Variants in PCDHA5 observed in about 807,000 individuals in gnomAD.
PCDHA5 encodes the protein protocadherin alpha-5.
PCDHA5 carries 43 observed loss-of-function variants against 61.6 expected under a neutral mutation model. The observed-to-expected ratio is 0.70, with a 90% CI of 0.55 to 0.90. The LOEUF is 0.90. Among genes scored for constraint, PCDHA5 ranks in the 40% least tolerant of loss-of-function variants. The probability of loss-of-function intolerance (pLI) is 0.00; values close to 1 mark genes in which losing one functional copy is unlikely to be tolerated. For synonymous variants in PCDHA5, 627 were observed against 543.9 expected, an observed-to-expected ratio of 1.15 and a Z score of -2.13; for missense variants, 1,298 against 1,222.7, an observed-to-expected ratio of 1.06 and a Z score of -0.92.
chr5:140,837,733 GT>G (rs1775232652), intron 1 of PCDHA5, among the ~76,000 whole-genome samples: 1 of 151,046 alleles, frequency 6.6e-6, no homozygotes, highest in Non-Finnish European at 1.5e-5. Context: ...CTGAAATGCA[GT>G]GGTGGGATTA....
In PCDHA5 at chr5:140,823,400, C is replaced by G; in HGVS notation, c.1625C>G (p.Pro542Arg). 2 of 1,613,078 alleles carry G rather than the reference C, an allele frequency of 1.2e-6. No individual in the cohort carries two copies. The highest frequency in any genetic ancestry group is 2.7e-5 in the African/African-American group (2 of 75,038). ...GTGAGCGCGCGCGACGCGGGCGTGC[C>G]GCCTCTGGGCAGCAACGTGACGCTG... The part of the protein sequence containing the change: ...FQVSARDAGV[P>R]PLGSNVTLQV... Residue 542 changes from proline to arginine, a missense_variant, in exon 1 of 4, where the codon CCG (proline) becomes CGG (arginine). By Grantham distance (103) the Pro-to-Arg change is moderately radical. Transcript: ENST00000529859.
In PCDHA5 at chr5:140,823,602, G is replaced by A. The variant is rs1554129473; in HGVS notation, c.1827G>A (p.Glu609=). Residue 609 remains glutamate, a synonymous_variant, in exon 1 of 4, where the codon GAG becomes GAA. Coordinates refer to ENST00000529859, the MANE Select transcript of PCDHA5 (RefSeq NM_018908.3). ...GCTACAACGCTTGGCTTTCGTATGA[G>A]CTGCAGCCAGCGCCTGGCAGTGCGC... is the stretch of plus-strand genomic sequence containing the variant. ...DSGYNAWLSY[E]LQPAPGSARI... is the part of the protein sequence containing the mutation. 1.9e-6 allele frequency: 3 copies of A among 1,613,916 alleles called. No homozygotes were observed. Among genetic ancestry groups the A allele is most frequent in the Admixed American group, 1.7e-5 (1 of 60,006 alleles).
chr5:140,828,874 TATC>T, intron 1 of PCDHA5: 2 of 1,614,208 alleles, frequency 1.2e-6, no homozygotes, highest in Non-Finnish European at 1.7e-6. Context: ...GAACAACAGT[TATC>T]AGACTGAATG....
intron 1 of PCDHA5, chr5:140,857,853 A>G (rs782574851): frequency 1.3e-6 from 2 of 1,597,574 alleles, no homozygotes; most frequent in East Asian, 2.2e-5. Flanking sequence ...GACTCTGGAT[A>G]CAACGCGTGG....
chr5:140,828,025 G>T, intron 1 of PCDHA5: 1 of 1,517,256 alleles, frequency 6.6e-7, no homozygotes, highest in Non-Finnish European at 8.8e-7. Context: ...AATAAATTCC[G>T]GAACATACAG....
intron 1 of PCDHA5, chr5:140,830,375 G>C: frequency 6.2e-7 from 1 of 1,614,172 alleles, no homozygotes; most frequent in Non-Finnish European, 8.5e-7. Context: ...GTGCTCCGGG[G>C]AGGGCCCACC....
chr5:141,009,576 T>C (rs2098411921), intron 3 of PCDHA5, 51 bp from the exon 4 acceptor site: 1 of 1,583,566 alleles, frequency 6.3e-7, no homozygotes. Flanking sequence ...CAGTGTGGCA[T>C]CAAGAGCATG....
chr5:140,913,807 C>A (rs2076472600), intron 1 of PCDHA5, among the ~76,000 whole-genome samples: 1 of 152,068 alleles, frequency 6.6e-6, no homozygotes, highest in African/African-American at 2.4e-5. Flanking sequence ...ATCAAATTTT[C>A]AATTTCCTTT....
At chr5:140,825,916 C>G (rs1236505717) in intron 1 of PCDHA5, 2 of 152,402 alleles carry the variant, frequency 1.3e-5, no homozygotes, top group African/African-American at 4.8e-5. Context: ...CTACGCTAGA[C>G]AGGTGTCCTC....
intron 3 of PCDHA5, among the ~76,000 whole-genome samples, chr5:140,992,954 C>G (rs1174073844): frequency 6.6e-6 from 1 of 152,190 alleles, no homozygotes; most frequent in Non-Finnish European, 1.5e-5. Context: ...TTAAATCACC[C>G]CTTATACTGC....
chr5:140,962,619 T>C (rs1405135656), intron 1 of PCDHA5, among the ~76,000 whole-genome samples: 1 of 152,212 alleles, frequency 6.6e-6, no homozygotes, highest in East Asian at 1.9e-4. Context: ...GGAAGGGAGA[T>C]GTGAAAAAAT....
intron 1 of PCDHA5, chr5:140,967,700 G>T: frequency 6.2e-7 from 1 of 1,614,196 alleles, no homozygotes; most frequent in Non-Finnish European, 8.5e-7. Context: ...CAGCATAGAT[G>T]CCAGTACCGG....
chr5:140,967,565 C>A, intron 1 of PCDHA5: 1 of 1,614,080 alleles, frequency 6.2e-7, no homozygotes, highest in Non-Finnish European at 8.5e-7. Context: ...CGTCCAGCTA[C>A]GGGAGGACTC....
chr5:140,914,852 C>T (rs2076867528), intron 1 of PCDHA5, among the ~76,000 whole-genome samples: 1 of 151,838 alleles, frequency 6.6e-6, no homozygotes, highest in Non-Finnish European at 1.5e-5. Flanking sequence ...AAAAGGAAGA[C>T]TAATAAAAGT....
Position 140,850,923 on chromosome 5 carries a change from A to T in PCDHA5, c.2352+26796A>T, listed in dbSNP as rs2150502523. The stretch of plus-strand genomic sequence containing the variant: ...TTCTAGCATTTTATTTATTTATATA[A>T]TTTTTTTTCTTGAAAGATATTATCG... On this transcript the variant is annotated intron_variant, in intron 1 of 3. Transcript: ENST00000529859. 9.9e-6 allele frequency: 15 copies of T among 1,521,828 alleles called. 1 individual carries two copies. In the African/African-American group the frequency reaches 1.4e-4, roughly 14 times the overall value. The allele number at this position is 1,521,828 out of a possible 1,614,324, so 94.3% of individuals were successfully genotyped here.
At chr5:140,992,761 A>G (rs1400429465) in intron 3 of PCDHA5, among the ~76,000 whole-genome samples, 1 of 152,180 alleles carries the variant, frequency 6.6e-6, no homozygotes, top group African/African-American at 2.4e-5. Flanking sequence ...TGTTGGGGAT[A>G]GGAGGGTGGG....
At chr5:140,875,662 T>C (rs782787124) in intron 1 of PCDHA5, 32 of 1,613,752 alleles carry the variant, frequency 2.0e-5, no homozygotes, top group Non-Finnish European at 2.6e-5. Context: ...GCCGCGCCTG[T>C]TCCGGGTGGC....
rs1554181343 is a variant in PCDHA5, at chr5:140,884,223, A to G, written c.2352+60096A>G. ...CACCACCGCCTTCTGGTGCTGGTGAAGGACCACGGTGAGCCCGCGCTGACG... is the reference window on the plus strand; with the variant it reads ...CACCACCGCCTTCTGGTGCTGGTGAGGGACCACGGTGAGCCCGCGCTGACG... On this transcript the variant is annotated intron_variant, in intron 1 of 3. Coordinates refer to ENST00000529859, the MANE Select transcript of PCDHA5 (RefSeq NM_018908.3). 1.1e-5 allele frequency: 17 copies of G among 1,613,364 alleles called. No homozygotes were observed. The highest frequency in any genetic ancestry group is 1.7e-5 in the Admixed American group (1 of 59,998).
Position 140,842,124 on chromosome 5 carries a change from A to T in PCDHA5, c.2352+17997A>T, listed in dbSNP as rs2150329759. The T allele has an allele frequency of 4.0e-5, 65 of 1,613,768 alleles. 1 individual carries two copies. The highest frequency in any genetic ancestry group is 2.8e-4 in the Admixed American group (17 of 59,988). The stretch of plus-strand genomic sequence containing the variant: ...ACAGTTATCAAACTGAATGCTTCTG[A>T]TCCGGATGAAGGAGCCAATGGGGCA... On this transcript the variant is annotated intron_variant, in intron 1 of 3. Coordinates refer to ENST00000529859, the MANE Select transcript of PCDHA5 (RefSeq NM_018908.3).
Sources: allele counts gnomAD v4.1 joint callset (sites outside exome capture counted in the v4.1 genomes callset), GRCh38; gene constraint gnomAD v4.1.1; transcripts MANE v1.5; gene names NCBI Gene and HGNC (gene_info 2026-07-23, HGNC 2026-07-21).